CAST: variants seen among roughly 807,000 people sequenced by gnomAD.
CAST encodes MIR583 host.
CAST carries 76 observed loss-of-function variants against 119.6 expected under a neutral mutation model. The ratio of observed to expected loss-of-function variants is 0.64; its 90% CI spans 0.53 to 0.77. CAST has a LOEUF of 0.77. CAST is among the 30% of genes least tolerant of loss of function. The pLI is 0.00. For missense variants in CAST, 953 were observed against 946.5 expected (o/e 1.01, Z -0.09); for synonymous variants, 319 against 331.6 (o/e 0.96, Z 0.41).
chr5:96,289,941 T>TA, the CAST span, among the ~76,000 whole-genome samples: 113 of 151,214 alleles, frequency 7.5e-4, no homozygotes, highest in African/African-American at 2.1e-3. Context: ...GTTTTTTTTT[T>TA]AAAAAAAACA....
chr5:96,020,486 T>C, the CAST span, among the ~76,000 whole-genome samples: 14 of 152,306 alleles, frequency 9.2e-5, no homozygotes, highest in South Asian at 4.1e-4. Context: ...TCTGTACTTA[T>C]AGCTGCTCCC....
chr5:96,063,464 A>G, the CAST span, among the ~76,000 whole-genome samples: 2 of 152,148 alleles, frequency 1.3e-5, no homozygotes, highest in African/African-American at 2.4e-5. Context: ...GCCCATTCCT[A>G]TATCTTGTGC....
chr5:96,376,256 G>C, the CAST span, among the ~76,000 whole-genome samples: 1 of 151,782 alleles, frequency 6.6e-6, no homozygotes, highest in Non-Finnish European at 1.5e-5. Flanking sequence ...TCCTAATATA[G>C]CATAATGCAT....
At chr5:96,344,924 T>C in the CAST span, among the ~76,000 whole-genome samples, 8 of 152,200 alleles carry the variant, frequency 5.3e-5, no homozygotes, top group African/African-American at 1.4e-4. Flanking sequence ...TATAATGACT[T>C]GTAGACACAA....
intron 1 of CAST, among the ~76,000 whole-genome samples, chr5:96,667,355 C>T (rs569005203): frequency 2.5e-4 from 38 of 152,304 alleles, no homozygotes; most frequent in African/African-American, 8.7e-4. Flanking sequence ...GTGCAGTGGT[C>T]TGTGCCTGGC....
chr5:96,722,178 G>A (rs151830), intron 3 of CAST, among the ~76,000 whole-genome samples: 89,177 of 152,040 alleles, frequency 0.59, 26,314 homozygotes, highest in Admixed American at 0.67. Flanking sequence ...GGACCTGGAA[G>A]ACAAAGCTCA....
At chr5:95,998,091 G>GTT in the CAST span, among the ~76,000 whole-genome samples, 1 of 150,928 alleles carries the variant, frequency 6.6e-6, no homozygotes, top group African/African-American at 2.4e-5. Context: ...CTTCTCAAGG[G>GTT]TTATATATAG....
chr5:96,028,816 T>C, the CAST span, among the ~76,000 whole-genome samples: 1 of 152,112 alleles, frequency 6.6e-6, no homozygotes, highest in Non-Finnish European at 1.5e-5. Context: ...GTAAAAAGTA[T>C]AGGTTTTTAT....
intron 1 of CAST, among the ~76,000 whole-genome samples, chr5:96,586,676 C>T (rs1051545376): frequency 5.3e-5 from 8 of 152,244 alleles, no homozygotes; most frequent in Admixed American, 3.9e-4. Context: ...AAGGCAGCCA[C>T]ATCGGTGATA....
the CAST span, among the ~76,000 whole-genome samples, chr5:96,465,912 T>A: frequency 1.3e-5 from 2 of 152,114 alleles, no homozygotes; most frequent in Non-Finnish European, 2.9e-5. Flanking sequence ...TTTCTATATC[T>A]ATTCATCTGT....
chr5:96,015,374 T>C, the CAST span, among the ~76,000 whole-genome samples: 1 of 152,224 alleles, frequency 6.6e-6, no homozygotes, highest in African/African-American at 2.4e-5. Context: ...AACAAAACCA[T>C]TATGAACTGG....
At chr5:96,141,424 C>T in the CAST span, among the ~76,000 whole-genome samples, 5 of 152,288 alleles carry the variant, frequency 3.3e-5, no homozygotes, top group South Asian at 8.3e-4. Context: ...ACACTAGTGG[C>T]TTTTTGTGTG....
the CAST span, among the ~76,000 whole-genome samples, chr5:96,205,491 C>T: frequency 6.6e-6 from 1 of 151,904 alleles, no homozygotes. Context: ...AGTAGGCCTC[C>T]GTGTCTCTTG....
At chr5:96,095,039 C>T in the CAST span, among the ~76,000 whole-genome samples, 1 of 151,604 alleles carries the variant, frequency 6.6e-6, no homozygotes, top group East Asian at 1.9e-4. Flanking sequence ...GGAATGGTAA[C>T]TTCTTCTTGC....
chr5:96,283,602 T>C, the CAST span, among the ~76,000 whole-genome samples: 1 of 152,236 alleles, frequency 6.6e-6, no homozygotes, highest in Non-Finnish European at 1.5e-5. Flanking sequence ...CATTTCTGTC[T>C]GGTCCAGACT....
At chr5:96,352,812 T>C in the CAST span, among the ~76,000 whole-genome samples, 2 of 152,116 alleles carry the variant, frequency 1.3e-5, no homozygotes, top group African/African-American at 4.8e-5. Context: ...GTTCTCTTAA[T>C]AGTGAGTGAG....
chr5:96,578,083 A>T (rs1328017024), intron 1 of CAST, among the ~76,000 whole-genome samples: 1 of 151,868 alleles, frequency 6.6e-6, no homozygotes, highest in African/African-American at 2.4e-5. Context: ...TTTCAGTTCT[A>T]TTGGTTCTTG....
chr5:96,696,986 C>A (rs1357264924), intron 3 of CAST, among the ~76,000 whole-genome samples: 1 of 152,016 alleles, frequency 6.6e-6, no homozygotes, highest in East Asian at 1.9e-4. Context: ...GATGGTGAAA[C>A]CCCATCTCTA....
chr5:96,552,755 A>G (rs1397103338), intron 1 of CAST, among the ~76,000 whole-genome samples: 1 of 152,228 alleles, frequency 6.6e-6, no homozygotes, highest in Non-Finnish European at 1.5e-5. Context: ...AGAAATACAC[A>G]CTATGATCAG....
Sources: allele counts gnomAD v4.1 joint callset (sites outside exome capture counted in the v4.1 genomes callset), GRCh38; gene constraint gnomAD v4.1.1; transcripts MANE v1.5; gene names NCBI Gene and HGNC (gene_info 2026-07-23, HGNC 2026-07-21).